MGMT: variants seen among roughly 807,000 people sequenced by gnomAD.
MGMT encodes O-6-methylguanine-DNA methyltransferase, also known as methylated-DNA--protein-cysteine methyltransferase.
MGMT carries 14 observed loss-of-function variants against 15.9 expected under a neutral mutation model. The observed-to-expected ratio is 0.88, with a 90% CI of 0.58 to 1.37. The LOEUF (loss-of-function observed/expected upper bound fraction) is 1.37, where lower values mean the gene tolerates loss of function less well. Ranked by LOEUF, MGMT falls within the 40% of genes most tolerant of loss-of-function variation. MGMT has a pLI of 0.00. For synonymous variants in MGMT, 130 were observed against 118.2 expected, an observed-to-expected ratio of 1.10 and a Z score of -0.65; for missense variants, 282 against 268.1, an observed-to-expected ratio of 1.05 and a Z score of -0.36.
intron 3 of MGMT, among the ~76,000 whole-genome samples, chr10:129,757,858 TTATC>T (rs1340441891): frequency 6.6e-6 from 1 of 152,212 alleles, no homozygotes; most frequent in East Asian, 1.9e-4. Flanking sequence ...GAAGAGAACA[TTATC>T]TAATGAATTT....
chr10:129,536,537 G>C (rs991011912), intron 2 of MGMT, 160 bp downstream of exon 2: 2 of 851,634 alleles, frequency 2.3e-6, no homozygotes, highest in Admixed American at 6.6e-5. Context: ...TGCTGCGACG[G>C]CTCCTGCATT....
At position 129,533,386 on chromosome 10, in the gene MGMT, T is replaced by G. The variant is rs536434618; in HGVS notation, c.-12-2855T>G. The stretch of plus-strand genomic sequence containing the variant: ...GCTGGCCAGGATCCCCACCTGAGTC[T>G]GGAGCCCTGAGCCCAGGCCTCCTGA... On this transcript the variant is annotated intron_variant, in intron 1 of 4. Coordinates refer to ENST00000651593, the MANE Select transcript of MGMT (RefSeq NM_002412.5). This position sits in a 1 kb window ranked among gnomAD's most constrained non-coding sequence, Gnocchi z 4.5. Among the ~76,000 whole-genome samples the G allele has an allele frequency of 6.6e-6, 1 of 152,282 alleles. No individual in the cohort carries two copies. The highest frequency in any genetic ancestry group is 6.5e-5 in the Admixed American group (1 of 15,304).
At chr10:129,662,457 A>G (rs1847608426) in intron 2 of MGMT, among the ~76,000 whole-genome samples, 1 of 152,180 alleles carries the variant, frequency 6.6e-6, no homozygotes, top group Non-Finnish European at 1.5e-5. Flanking sequence ...TATAAAAGAT[A>G]TACACACAAA....
intron 2 of MGMT, among the ~76,000 whole-genome samples, chr10:129,624,281 G>A (rs1345404300): frequency 4.6e-5 from 7 of 152,150 alleles, no homozygotes; most frequent in Non-Finnish European, 8.8e-5. Context: ...CTGCTCCCCC[G>A]GGGACAGTTT....
At chr10:129,546,863 C>T (rs1045866840) in intron 2 of MGMT, among the ~76,000 whole-genome samples, 2 of 152,178 alleles carry the variant, frequency 1.3e-5, no homozygotes, top group African/African-American at 4.8e-5. Context: ...GCTGTTTGCT[C>T]AGCATATGCC....
intron 2 of MGMT, among the ~76,000 whole-genome samples, chr10:129,676,504 C>A (rs1213966649): frequency 6.6e-6 from 1 of 152,150 alleles, no homozygotes; most frequent in African/African-American, 2.4e-5. Flanking sequence ...TGCGAGGGTC[C>A]CTGTGGAAGT....
chr10:129,508,505 A>C (rs1382940746), intron 1 of MGMT, among the ~76,000 whole-genome samples: 1 of 149,690 alleles, frequency 6.7e-6, no homozygotes, highest in African/African-American at 2.5e-5. Context: ...CAACAGATTT[A>C]ATTTTTCTTT....
At chr10:129,515,600 C>T (rs1224084659) in intron 1 of MGMT, among the ~76,000 whole-genome samples, 3 of 152,310 alleles carry the variant, frequency 2.0e-5, no homozygotes, top group Middle Eastern at 6.8e-3. Context: ...TGGCTGAGCG[C>T]GGGGCAGTTT....
chr10:129,655,723 AG>A (rs1440897426), intron 2 of MGMT, among the ~76,000 whole-genome samples: 1 of 152,316 alleles, frequency 6.6e-6, no homozygotes, highest in African/African-American at 2.4e-5. Context: ...TCCTCAGTAT[AG>A]CTGTGGGTTG....
intron 2 of MGMT, 31 bp downstream of exon 2, chr10:129,536,408 C>A (rs2308325): frequency 6.3e-7 from 1 of 1,595,890 alleles, no homozygotes; most frequent in East Asian, 2.2e-5. Flanking sequence ...TCCTGTATAC[C>A]GCACATGCTG....
chr10:129,489,359 C>CA (rs34274988), intron 1 of MGMT, among the ~76,000 whole-genome samples: 5,015 of 57,202 alleles, frequency 0.088, 950 homozygotes, highest in African/African-American at 0.3. Context: ...GACTCTGTCT[C>CA]AAAAAAAAAA....
chr10:129,527,421 C>T (rs894526873), intron 1 of MGMT, among the ~76,000 whole-genome samples: 18 of 152,164 alleles, frequency 1.2e-4, no homozygotes, highest in African/African-American at 4.3e-4. Flanking sequence ...TGGGGCTGCC[C>T]GCTTTCCTTT....
At chr10:129,762,955 C>T (rs1236578888) in intron 4 of MGMT, among the ~76,000 whole-genome samples, 1 of 152,114 alleles carries the variant, frequency 6.6e-6, no homozygotes, top group African/African-American at 2.4e-5. Context: ...TGAAAACAAG[C>T]TCTTTCCCTT....
intron 1 of MGMT, among the ~76,000 whole-genome samples, chr10:129,474,085 G>T (rs75443923): frequency 0.037 from 5,696 of 152,300 alleles, 154 homozygotes; most frequent in South Asian, 0.063. Flanking sequence ...ATGGATGCGG[G>T]TACATTTGGG....
chr10:129,764,918 AGGAGGAAG>A (rs1179025047), intron 4 of MGMT, among the ~76,000 whole-genome samples: 4 of 152,092 alleles, frequency 2.6e-5, no homozygotes, highest in Admixed American at 6.5e-5. Flanking sequence ...CCTCCAGCTC[AGGAGGAAG>A]GGAGGAAGGG....
rs1177336479 is a variant in MGMT at position 129,533,774 on chromosome 10, G to T, written c.-12-2467G>T. On this transcript the variant is annotated intron_variant, in intron 1 of 4. Transcript: ENST00000651593. The surrounding 1 kb of genome is among the most constrained non-coding windows in gnomAD (Gnocchi z 4.5). The stretch of plus-strand genomic sequence containing the variant: ...GAGCAGAGCTGCCAGCATCCTGCCT[G>T]AGAAGCAGTGGCCCGGGATGGTGGG... Among the ~76,000 whole-genome samples the T allele has an allele frequency of 6.6e-6, 1 of 152,218 alleles. No individual in the cohort carries two copies. Among genetic ancestry groups the T allele is most frequent in the African/African-American group, 2.4e-5 (1 of 41,450 alleles).
Position 129,697,304 on chromosome 10 carries a change from A to T in MGMT, c.126-10591A>T, listed in dbSNP as rs144323437. On this transcript the variant is annotated intron_variant, in intron 2 of 4. Transcript: ENST00000651593. The stretch of plus-strand genomic sequence containing the variant: ...GAATATATGCCATCAAGGGCAGAGC[A>T]TGTGGGCGTGTGGACTTGTCATGAT... Among the ~76,000 whole-genome samples the T allele has an allele frequency of 9.8e-5, 15 of 152,356 alleles. No individual in the cohort carries two copies. In the East Asian group the frequency reaches 2.9e-3, roughly 29 times the overall value.
At chr10:129,729,699 C>A (rs1001939160) in intron 3 of MGMT, among the ~76,000 whole-genome samples, 4 of 152,192 alleles carry the variant, frequency 2.6e-5, no homozygotes, top group Admixed American at 6.5e-5. Flanking sequence ...ATATGCCTGC[C>A]GCGTGGCATA....
At chr10:129,680,663 C>T (rs1847841006) in intron 2 of MGMT, among the ~76,000 whole-genome samples, 1 of 152,166 alleles carries the variant, frequency 6.6e-6, no homozygotes, top group Non-Finnish European at 1.5e-5. Context: ...AAACACTGGC[C>T]CCCGCCTTCT....
Sources: gnomAD v4.1 joint callset for allele counts (sites outside exome capture counted in the v4.1 genomes callset) on GRCh38, gnomAD v4.1.1 for gene constraint, Gnocchi (gnomAD v3.1) non-coding constraint, MANE v1.5 for transcripts, NCBI Gene and HGNC (gene_info 2026-07-23, HGNC 2026-07-21) for gene names.